TBC1D4: variants seen among roughly 807,000 people sequenced by gnomAD.
TBC1D4 encodes TBC (Tre-2, BUB2, CDC16) domain-containing protein.
TBC1D4 carries 121 observed loss-of-function variants against 142.5 expected under a neutral mutation model. The ratio of observed to expected loss-of-function variants is 0.85; its 90% CI spans 0.73 to 0.99. The LOEUF (loss-of-function observed/expected upper bound fraction) is 0.99. TBC1D4 is among the 50% of genes least tolerant of loss of function. TBC1D4 has a pLI of 0.00. For synonymous variants in TBC1D4, 630 were observed against 628.2 expected (o/e 1.00, Z -0.04); for missense variants, 1,475 against 1,606.6 (o/e 0.92, Z 1.40).
chr13:75,319,782 A>T (rs1459280340), intron 12 of TBC1D4, among the ~76,000 whole-genome samples: 1 of 152,202 alleles, frequency 6.6e-6, no homozygotes, highest in African/African-American at 2.4e-5. Flanking sequence ...AAATTTCAGC[A>T]TGGAATAGAG....
intron 1 of TBC1D4, among the ~76,000 whole-genome samples, chr13:75,440,646 T>A (rs749479118): frequency 2.6e-5 from 4 of 151,752 alleles, no homozygotes; most frequent in Non-Finnish European, 4.4e-5. Context: ...CTTGAGCTCC[T>A]AGGCTCAAGG....
intron 1 of TBC1D4, among the ~76,000 whole-genome samples, chr13:75,388,837 T>C (rs1057084194): frequency 6.6e-6 from 1 of 152,216 alleles, no homozygotes; most frequent in Non-Finnish European, 1.5e-5. Context: ...AATTCAATGA[T>C]CTGCTCACCA....
chr13:75,471,736 C>A (rs79725061), intron 1 of TBC1D4, among the ~76,000 whole-genome samples: 6 of 137,434 alleles, frequency 4.4e-5, no homozygotes, highest in African/African-American at 1.6e-4. Flanking sequence ...GAGACTGTCT[C>A]AAAAAAAAAA....
At chr13:75,402,423 CT>C (rs147857794) in intron 1 of TBC1D4, among the ~76,000 whole-genome samples, 2,997 of 152,078 alleles carry the variant, frequency 0.02, 100 homozygotes, top group African/African-American at 0.065. Context: ...TTTCTCCATT[CT>C]TTCAATATAA....
intron 1 of TBC1D4, among the ~76,000 whole-genome samples, chr13:75,406,996 T>C (rs1885377556): frequency 6.6e-6 from 1 of 152,202 alleles, no homozygotes; most frequent in Non-Finnish European, 1.5e-5. Flanking sequence ...GATAGTTATG[T>C]ATCATTTCAG....
intron 12 of TBC1D4, among the ~76,000 whole-genome samples, chr13:75,314,340 A>G (rs1593912907): frequency 6.6e-6 from 1 of 152,194 alleles, no homozygotes; most frequent in Non-Finnish European, 1.5e-5. Context: ...AAGCTCAGAC[A>G]GAACAGCCAC....
At chr13:75,415,738 ACTT>A (rs1404265127) in intron 1 of TBC1D4, among the ~76,000 whole-genome samples, 1 of 152,178 alleles carries the variant, frequency 6.6e-6, no homozygotes, top group African/African-American at 2.4e-5. Context: ...TTAAGGGAAA[ACTT>A]CTTAGATGAA....
chr13:75,412,870 A>G (rs1216122127), intron 1 of TBC1D4, among the ~76,000 whole-genome samples: 1 of 152,238 alleles, frequency 6.6e-6, no homozygotes, highest in African/African-American at 2.4e-5. Flanking sequence ...CAACATCATA[A>G]TTCTCCAGTA....
intron 1 of TBC1D4, among the ~76,000 whole-genome samples, chr13:75,439,729 G>A (rs970249281): frequency 9.2e-5 from 14 of 151,964 alleles, no homozygotes; most frequent in South Asian, 6.3e-4. Context: ...GTGAAACCCC[G>A]TCTCTACTAC....
intron 1 of TBC1D4, among the ~76,000 whole-genome samples, chr13:75,403,861 A>G (rs1408095990): frequency 6.6e-6 from 1 of 152,200 alleles, no homozygotes; most frequent in African/African-American, 2.4e-5. Flanking sequence ...GAGAAGCAGT[A>G]AAATAAACCT....
At chr13:75,428,552 T>A (rs1404644174) in intron 1 of TBC1D4, among the ~76,000 whole-genome samples, 1 of 152,186 alleles carries the variant, frequency 6.6e-6, no homozygotes, top group Non-Finnish European at 1.5e-5. Context: ...CTCTTATGAA[T>A]AAAATCAAGA....
intron 1 of TBC1D4, among the ~76,000 whole-genome samples, chr13:75,440,320 C>T (rs1281198835): frequency 6.6e-6 from 1 of 151,942 alleles, no homozygotes; most frequent in Non-Finnish European, 1.5e-5. Flanking sequence ...CAGATTATAT[C>T]ATGAAGTGGG....
chr13:75,385,544 C>T (rs1046705499), intron 1 of TBC1D4, among the ~76,000 whole-genome samples: 2 of 152,198 alleles, frequency 1.3e-5, no homozygotes, highest in African/African-American at 4.8e-5. Context: ...ACAGCCTCTG[C>T]GTGACCATCG....
chr13:75,425,014 A>G (rs1472511363), intron 1 of TBC1D4, among the ~76,000 whole-genome samples: 1 of 152,242 alleles, frequency 6.6e-6, no homozygotes, highest in African/African-American at 2.4e-5. Context: ...AATCAAATTA[A>G]AAAGCTTCTG....
rs544835136 is a variant in TBC1D4 at position 75,417,212 on chromosome 13, T to C, written c.499-54605A>G. Among the ~76,000 whole-genome samples the C allele has an allele frequency of 5.3e-4, 80 of 152,278 alleles. No individual in the cohort carries two copies. The South Asian group carries it at 0.016, about 31-fold the overall frequency. On this transcript the variant is annotated intron_variant, in intron 1 of 20. Transcript: ENST00000377636. ...CAGGCTCTACTTGCTGCCCCCTCGC[T>C]GAAATGGGGCTCACAGCACAACTGC...
At chr13:75,443,684 G>A (rs772601428) in intron 1 of TBC1D4, among the ~76,000 whole-genome samples, 3 of 152,106 alleles carry the variant, frequency 2.0e-5, no homozygotes, top group Admixed American at 6.6e-5. Flanking sequence ...AGTCAACTTC[G>A]CTTTCCTTCA....
intron 15 of TBC1D4, 148 bp from the exon 16 acceptor site, chr13:75,302,549 T>G: frequency 1.1e-6 from 1 of 905,324 alleles, no homozygotes; most frequent in Non-Finnish European, 1.7e-6. Context: ...GACAGAAGCA[T>G]ATTTTGACAA....
At chr13:75,421,689 T>C (rs939478711) in intron 1 of TBC1D4, among the ~76,000 whole-genome samples, 7 of 152,238 alleles carry the variant, frequency 4.6e-5, no homozygotes, top group African/African-American at 1.7e-4. Context: ...TTCTCTATTA[T>C]GTTTATAAGA....
chr13:75,388,570 T>C (rs547193176), intron 1 of TBC1D4, among the ~76,000 whole-genome samples: 1 of 152,332 alleles, frequency 6.6e-6, no homozygotes, highest in East Asian at 1.9e-4. Flanking sequence ...TGACCACTAG[T>C]AGAGTTTGGT....
Sources: gnomAD v4.1 joint callset for allele counts (sites outside exome capture counted in the v4.1 genomes callset) on GRCh38, gnomAD v4.1.1 for gene constraint, MANE v1.5 for transcripts, NCBI Gene and HGNC (gene_info 2026-07-23, HGNC 2026-07-21) for gene names.